The following MMP26 variants were observed in gnomAD, a reference collection of about 807,000 sequenced individuals.
MMP26 encodes matrix metalloproteinase-26.
A neutral mutation model predicts 31.0 loss-of-function variants in MMP26; 33 were observed. The observed-to-expected ratio is 1.06, with a 90% CI of 0.81 to 1.42. The LOEUF (loss-of-function observed/expected upper bound fraction) is 1.42. Ranked by LOEUF, MMP26 falls within the 40% of genes most tolerant of loss-of-function variation. MMP26 has a pLI of 0.00. For synonymous variants in MMP26, 122 were observed against 114.9 expected (o/e 1.06, Z -0.40); for missense variants, 347 against 316.1 (o/e 1.10, Z -0.74).
intron 1 of MMP26, among the ~76,000 whole-genome samples, chr11:4,761,157 T>A (rs1848565177): frequency 6.6e-6 from 1 of 152,204 alleles, no homozygotes; most frequent in South Asian, 2.1e-4. Flanking sequence ...CAAATAGCAG[T>A]GCTGAAGGAG....
At chr11:4,708,645 C>T (rs1037228429) in intron 1 of MMP26, among the ~76,000 whole-genome samples, 14 of 152,136 alleles carry the variant, frequency 9.2e-5, no homozygotes, top group African/African-American at 3.4e-4. Flanking sequence ...AAACTTAAGA[C>T]AAGAAGCAAT....
Position 4,908,218 on chromosome 11 carries a change from G to A in MMP26, c.-144-79850G>A, listed in dbSNP as rs7119629. The A allele has an allele frequency of 6.4e-3, 10,313 of 1,614,022 alleles. 78 individuals are homozygous for A. Among genetic ancestry groups the A allele is most frequent in the African/African-American group, 0.036 (2,699 of 75,020 alleles). On this transcript the variant is annotated intron_variant, in intron 2 of 7. Coordinates refer to ENST00000380390, the MANE Select transcript of MMP26 (RefSeq NM_021801.5). ...TTGCAGATATGTTCTTGTTGGTGCCGCCCCTTATGAACCCCATTGTGTACT... is the reference window on the plus strand; with the variant it reads ...TTGCAGATATGTTCTTGTTGGTGCCACCCCTTATGAACCCCATTGTGTACT...
intron 2 of MMP26, among the ~76,000 whole-genome samples, chr11:4,958,955 T>C (rs115257858): frequency 0.013 from 1,990 of 152,228 alleles, 39 homozygotes; most frequent in African/African-American, 0.046. Flanking sequence ...ATGCAGAAGA[T>C]AGGCCGGGCG....
chr11:4,946,626 G>A (rs1281794338), intron 2 of MMP26: 2 of 1,575,512 alleles, frequency 1.3e-6, no homozygotes, highest in African/African-American at 1.4e-5. Flanking sequence ...GGGAAGGGAA[G>A]AACCAGGAGC....
At chr11:4,796,289 A>G (rs938415351) in intron 2 of MMP26, among the ~76,000 whole-genome samples, 3 of 152,192 alleles carry the variant, frequency 2.0e-5, no homozygotes, top group African/African-American at 7.2e-5. Flanking sequence ...AAACTTCTCA[A>G]TTTACAATAC....
intron 2 of MMP26, chr11:4,973,193 G>A (rs1288632069): frequency 5.5e-6 from 1 of 180,728 alleles, no homozygotes; most frequent in Non-Finnish European, 1.3e-5. Flanking sequence ...TTTCTTTCAT[G>A]ATGCTATGCT....
intron 2 of MMP26, among the ~76,000 whole-genome samples, chr11:4,928,594 A>C (rs1851304830): frequency 6.6e-6 from 1 of 152,172 alleles, no homozygotes; most frequent in Admixed American, 6.6e-5. Flanking sequence ...GATTGGAATT[A>C]ATTTATACTT....
chr11:4,859,586 C>T (rs1398295015), intron 2 of MMP26: 1 of 390,848 alleles, frequency 2.6e-6, no homozygotes, highest in Non-Finnish European at 5.2e-6. Context: ...ACTTACTCTG[C>T]TTCTTACACA....
chr11:4,913,803 T>C (rs533077097), intron 2 of MMP26: 1 of 152,320 alleles, frequency 6.6e-6, no homozygotes, highest in East Asian at 1.9e-4. Context: ...TGCTGTTCCT[T>C]TGGACTGGAA....
At chr11:4,843,842 T>C (rs1013591150) in intron 2 of MMP26, among the ~76,000 whole-genome samples, 3 of 152,204 alleles carry the variant, frequency 2.0e-5, no homozygotes, top group African/African-American at 7.2e-5. Context: ...CTTTTAAATA[T>C]AAATTTCAGT....
At chr11:4,837,201 A>T (rs557331065) in intron 2 of MMP26, among the ~76,000 whole-genome samples, 9 of 152,046 alleles carry the variant, frequency 5.9e-5, no homozygotes, top group Non-Finnish European at 1.3e-4. Flanking sequence ...TTATGTTTGC[A>T]CCAACCTAAC....
intron 2 of MMP26, among the ~76,000 whole-genome samples, chr11:4,926,255 G>C (rs554519897): frequency 6.6e-6 from 1 of 152,236 alleles, no homozygotes; most frequent in African/African-American, 2.4e-5. Flanking sequence ...ACGATGGCAA[G>C]GAAAGAGGAA....
At chr11:4,844,012 A>T (rs950972740) in intron 2 of MMP26, among the ~76,000 whole-genome samples, 5 of 152,170 alleles carry the variant, frequency 3.3e-5, no homozygotes, top group Non-Finnish European at 7.4e-5. Flanking sequence ...AATTTCCCCA[A>T]AATTGACCAA....
At chr11:4,769,489 G>T in intron 2 of MMP26, 2 of 1,613,776 alleles carry the variant, frequency 1.2e-6, no homozygotes, top group South Asian at 1.1e-5. Flanking sequence ...CCATTTGAAT[G>T]ATTCTGGAAT....
At chr11:4,937,910 G>A (rs1846151117) in intron 2 of MMP26, 1 of 152,168 alleles carries the variant, frequency 6.6e-6, no homozygotes, top group African/African-American at 2.4e-5. Flanking sequence ...AAAGGACTGT[G>A]GATTGCCACA....
intron 2 of MMP26, chr11:4,908,297 T>C (rs1850937686): frequency 1.2e-6 from 2 of 1,613,646 alleles, no homozygotes; most frequent in Admixed American, 1.7e-5. Flanking sequence ...GCTTAATGTA[T>C]GTGGGAGATA....
chr11:4,933,605 G>A (rs1262516947), intron 2 of MMP26, among the ~76,000 whole-genome samples: 8 of 149,450 alleles, frequency 5.4e-5, no homozygotes, highest in Non-Finnish European at 1.2e-4. Flanking sequence ...TAAGTTTTAG[G>A]TTACATGTGC....
intron 2 of MMP26, chr11:4,913,092 C>T (rs1287505413): frequency 6.6e-6 from 1 of 152,134 alleles, no homozygotes; most frequent in African/African-American, 2.4e-5. Flanking sequence ...GAGCAATGAC[C>T]CCATTCCTTC....
At chr11:4,912,723 C>G (rs1851010054) in intron 2 of MMP26, 1 of 152,090 alleles carries the variant, frequency 6.6e-6, no homozygotes, top group Admixed American at 6.6e-5. Context: ...CAGCTATAAC[C>G]TAGGCAGCTG....
Sources: allele counts gnomAD v4.1 joint callset (sites outside exome capture counted in the v4.1 genomes callset), GRCh38; gene constraint gnomAD v4.1.1; transcripts MANE v1.5; gene names NCBI Gene and HGNC (gene_info 2026-07-23, HGNC 2026-07-21).